PTH2R: variants seen among roughly 807,000 people sequenced by gnomAD.
PTH2R encodes PTH2 receptor.
A neutral mutation model predicts 60.3 loss-of-function variants in PTH2R; 59 were observed. That is an observed-to-expected ratio of 0.98 (90% CI 0.79 to 1.22). The LOEUF is 1.22. PTH2R is among the 50% of genes most tolerant of loss of function. The probability of loss-of-function intolerance (pLI) is 0.00; values close to 1 mark genes in which losing one functional copy is unlikely to be tolerated. For missense variants in PTH2R, 749 were observed against 682.6 expected, an observed-to-expected ratio of 1.10 and a Z score of -1.08; for synonymous variants, 256 against 243.8, an observed-to-expected ratio of 1.05 and a Z score of -0.47.
Position 208,437,772 on chromosome 2 carries a change from G to A in PTH2R, c.302G>A (p.Arg101Gln), listed in dbSNP as rs267599176. 1.7e-5 allele frequency: 27 copies of A among 1,612,448 alleles called. No individual in the cohort carries two copies. Among genetic ancestry groups the A allele is most frequent in the Admixed American group, 1.2e-4 (7 of 59,964 alleles). The stretch of plus-strand genomic sequence containing the variant: ...CATGTCTTTACAGGAGTTGCTTTCC[G>A]ACACTGTAACCCCAATGGAACATGG... ...YDFNHKGVAF[R>Q]HCNPNGTWDF... is the part of the protein sequence containing the mutation. Residue 101 changes from arginine (R) to glutamine (Q), a missense_variant, in exon 4 of 13, where the codon CGA becomes CAA. Arg to Gln is a conservative substitution (Grantham distance 43). Coordinates refer to ENST00000272847, the MANE Select transcript of PTH2R (RefSeq NM_005048.4).
Position 208,413,320 on chromosome 2 carries a change from C to A in PTH2R, c.75+6202C>A, listed in dbSNP as rs114489097. On this transcript the variant is annotated intron_variant, in intron 1 of 12. Coordinates refer to ENST00000272847, the MANE Select transcript of PTH2R (RefSeq NM_005048.4). ...CATGGTATGTGCTCCCCATGTGATGCCACTCTAGCAATTTCAGACACAGCT... is the reference window on the plus strand; with the variant it reads ...CATGGTATGTGCTCCCCATGTGATGACACTCTAGCAATTTCAGACACAGCT... 7.3e-3 allele frequency among the ~76,000 whole-genome samples: 1,119 copies of A among 152,260 alleles called. 11 individuals carry two copies. The highest frequency in any genetic ancestry group is 0.025 in the African/African-American group (1,056 of 41,552).
At chr2:208,376,940 T>C (rs1313377443) in intron 1 of PTH2R, among the ~76,000 whole-genome samples, 2 of 151,874 alleles carry the variant, frequency 1.3e-5, no homozygotes, top group Non-Finnish European at 2.9e-5. Context: ...GGCAGGGTCA[T>C]AGGATAATAG....
intron 1 of PTH2R, among the ~76,000 whole-genome samples, chr2:208,390,027 TC>T (rs1245356085): frequency 6.6e-6 from 1 of 152,114 alleles, no homozygotes; most frequent in East Asian, 1.9e-4. Flanking sequence ...AGCATGCCAC[TC>T]CCATTGGGAC....
At chr2:208,482,089 C>T (rs1461889820) in intron 10 of PTH2R, among the ~76,000 whole-genome samples, 6 of 152,190 alleles carry the variant, frequency 3.9e-5, no homozygotes, top group Non-Finnish European at 7.3e-5. Context: ...CTATTTATTT[C>T]TGTCTCAGAT....
chr2:208,395,322 A>C (rs142346680), intron 1 of PTH2R, among the ~76,000 whole-genome samples: 1 of 152,092 alleles, frequency 6.6e-6, no homozygotes, highest in Non-Finnish European at 1.5e-5. Context: ...GCTGGATTAC[A>C]GGCATGAACC....
chr2:208,369,491 G>A (rs1489584673), intron 1 of PTH2R, among the ~76,000 whole-genome samples: 11 of 151,260 alleles, frequency 7.3e-5, no homozygotes, highest in African/African-American at 2.4e-4. Context: ...TCAGTCTCCC[G>A]AGTAGCTGGG....
At chr2:208,386,261 T>C (rs1001190094) in intron 1 of PTH2R, among the ~76,000 whole-genome samples, 1 of 152,192 alleles carries the variant, frequency 6.6e-6, no homozygotes, top group African/African-American at 2.4e-5. Context: ...CATCTGTCAC[T>C]CTGTGTTTGT....
intron 11 of PTH2R, 83 bp from the exon 12 acceptor site, chr2:208,490,556 G>T (rs897532362): frequency 1.5e-6 from 2 of 1,340,192 alleles, no homozygotes; most frequent in Non-Finnish European, 2.1e-6. Context: ...AACAATTTTT[G>T]GACGTACACA....
At chr2:208,410,714 G>A (rs1207274086) in intron 1 of PTH2R, among the ~76,000 whole-genome samples, 1 of 152,090 alleles carries the variant, frequency 6.6e-6, no homozygotes, top group Non-Finnish European at 1.5e-5. Flanking sequence ...TAAAATACAT[G>A]CACATAAAAC....
intron 1 of PTH2R, among the ~76,000 whole-genome samples, chr2:208,372,269 C>A (rs1343914655): frequency 6.6e-6 from 1 of 152,062 alleles, no homozygotes; most frequent in Non-Finnish European, 1.5e-5. Flanking sequence ...TGTAATACAT[C>A]ACTTGATTGA....
At chr2:208,414,080 A>G (rs1701593481) in intron 1 of PTH2R, among the ~76,000 whole-genome samples, 1 of 152,172 alleles carries the variant, frequency 6.6e-6, no homozygotes, top group South Asian at 2.1e-4. Flanking sequence ...ACTGGGGCTC[A>G]TTGTATGAGT....
At chr2:208,439,554 G>A (rs1262440712) in intron 4 of PTH2R, among the ~76,000 whole-genome samples, 4 of 151,768 alleles carry the variant, frequency 2.6e-5, no homozygotes, top group Non-Finnish European at 5.9e-5. Flanking sequence ...CTAAAAAAGT[G>A]TAAATTTAGA....
At chr2:208,365,805 C>T (rs2125866187) in intron 1 of PTH2R, among the ~76,000 whole-genome samples, 1 of 143,198 alleles carries the variant, frequency 7.0e-6, no homozygotes, top group East Asian at 2.0e-4. Flanking sequence ...GCGGCACAAT[C>T]ATAGCTCACT....
chr2:208,434,364 G>T (rs1210980670), intron 2 of PTH2R, among the ~76,000 whole-genome samples: 1 of 151,514 alleles, frequency 6.6e-6, no homozygotes, highest in African/African-American at 2.4e-5. Flanking sequence ...TCAACCTTTT[G>T]TGAACATTTA....
chr2:208,491,980 A>C (rs964997218), intron 12 of PTH2R, among the ~76,000 whole-genome samples: 6 of 152,190 alleles, frequency 3.9e-5, no homozygotes, highest in Non-Finnish European at 2.9e-5. Context: ...TCTGTCAGTC[A>C]GGTGTTGATT....
At chr2:208,389,900 G>A (rs533784232) in intron 1 of PTH2R, among the ~76,000 whole-genome samples, 1 of 152,184 alleles carries the variant, frequency 6.6e-6, no homozygotes, top group Admixed American at 6.5e-5. Flanking sequence ...GATGTTTGTT[G>A]GAAAGTAAGC....
intron 10 of PTH2R, among the ~76,000 whole-genome samples, chr2:208,484,706 A>AT (rs575153208): frequency 6.2e-4 from 94 of 152,292 alleles, no homozygotes; most frequent in African/African-American, 2.2e-3. Flanking sequence ...TTTAATGTTT[A>AT]TTTTTTTAAA....
At chr2:208,489,349 C>G (rs1703351498) in intron 11 of PTH2R, among the ~76,000 whole-genome samples, 199 bp downstream of exon 11, 1 of 152,146 alleles carries the variant, frequency 6.6e-6, no homozygotes, top group Non-Finnish European at 1.5e-5. Context: ...CTGCTCACAG[C>G]AGGAGCAGTT....
chr2:208,443,420 C>G lies in PTH2R; in HGVS notation c.582C>G (p.Ile194Met), dbSNP rs143633380. The G allele has an allele frequency of 9.5e-5, 153 of 1,613,214 alleles. No individual in the cohort carries two copies. The highest frequency in any genetic ancestry group is 1.2e-4 in the Non-Finnish European group (140 of 1,179,664). The change falls in exon 6 of 13, where the codon ATC (isoleucine) becomes ATG (methionine). Residue 194 changes from isoleucine (I) to methionine (M), a missense_variant. Transcript: ENST00000272847. The stretch of plus-strand genomic sequence containing the variant: ...CTTTCATGCTGAGAGCTACAAGCAT[C>G]TTTGTCAAAGACAGAGTAGTCCATG... ...FVSFMLRATS[I>M]FVKDRVVHAH...
Sources: gnomAD v4.1 joint callset for allele counts (sites outside exome capture counted in the v4.1 genomes callset) on GRCh38, gnomAD v4.1.1 for gene constraint, MANE v1.5 for transcripts, NCBI Gene and HGNC (gene_info 2026-07-23, HGNC 2026-07-21) for gene names.